KIF18A: variants seen among roughly 807,000 people sequenced by gnomAD.
The protein encoded by KIF18A is kinesin-like protein KIF18A.
In KIF18A, 67 loss-of-function variants were observed where a neutral mutation model predicts 103.3. The ratio of observed to expected loss-of-function variants is 0.65; its 90% confidence interval spans 0.53 to 0.79. KIF18A has a LOEUF of 0.79. KIF18A is among the 30% of genes least tolerant of loss of function. The pLI, the probability that KIF18A is intolerant of heterozygous loss-of-function variation, is 0.00. For synonymous variants in KIF18A, 367 were observed against 355.5 expected, an observed-to-expected ratio of 1.03 and a Z score of -0.36; for missense variants, 1,032 against 1,062.5, an observed-to-expected ratio of 0.97 and a Z score of 0.40.
At chr11:28,107,367 A>G (rs1851538688) in intron 1 of KIF18A, among the ~76,000 whole-genome samples, 1 of 151,998 alleles carries the variant, frequency 6.6e-6, no homozygotes, top group Non-Finnish European at 1.5e-5. Context: ...TGAGTGACTA[A>G]TGAGCTCCTA....
chr11:28,106,498 C>A (rs1053180051), intron 1 of KIF18A, among the ~76,000 whole-genome samples: 2 of 149,092 alleles, frequency 1.3e-5, no homozygotes, highest in Admixed American at 6.7e-5. Flanking sequence ...GGAGGGAAGG[C>A]CGGCACTGAC....
intron 13 of KIF18A, among the ~76,000 whole-genome samples, chr11:28,048,473 A>C (rs1320340969): frequency 6.6e-6 from 1 of 152,116 alleles, no homozygotes; most frequent in Non-Finnish European, 1.5e-5. Flanking sequence ...AGTTCAGTGA[A>C]AAAGAGGCTG....
At chr11:28,037,814 G>A (rs902304675) in intron 13 of KIF18A, among the ~76,000 whole-genome samples, 2 of 151,458 alleles carry the variant, frequency 1.3e-5, no homozygotes, top group Non-Finnish European at 3.0e-5. Flanking sequence ...GATAATTCCT[G>A]TAGCTTTTCA....
At chr11:28,086,899 A>C (rs1219353118) in intron 6 of KIF18A, among the ~76,000 whole-genome samples, 13 of 152,166 alleles carry the variant, frequency 8.5e-5, no homozygotes, top group Non-Finnish European at 1.6e-4. Flanking sequence ...TCTGCTTACA[A>C]GTTTGAGATT....
intron 1 of KIF18A, among the ~76,000 whole-genome samples, chr11:28,106,518 AT>A (rs1851507804): frequency 8.1e-6 from 1 of 123,132 alleles, no homozygotes; most frequent in African/African-American, 3.1e-5. Flanking sequence ...CAGCTGAGCT[AT>A]TTTTTTTCCT....
intron 16 of KIF18A, among the ~76,000 whole-genome samples, chr11:28,022,563 G>A (rs895285722): frequency 6.6e-6 from 1 of 152,106 alleles, no homozygotes; most frequent in African/African-American, 2.4e-5. Flanking sequence ...CACGGCGCCC[G>A]GCCAATTTGA....
chr11:28,042,890 A>G (rs553503894), intron 13 of KIF18A, among the ~76,000 whole-genome samples: 1 of 152,062 alleles, frequency 6.6e-6, no homozygotes, highest in African/African-American at 2.4e-5. Context: ...GACTTTCTAA[A>G]GAGTATTGTA....
At chr11:28,071,375 C>T (rs1798039803) in intron 10 of KIF18A, among the ~76,000 whole-genome samples, 3 of 151,364 alleles carry the variant, frequency 2.0e-5, no homozygotes, top group African/African-American at 7.3e-5. Flanking sequence ...TAAAACAACG[C>T]CACTCTTCTA....
At chr11:28,054,434 C>T (rs983862455) in intron 13 of KIF18A, among the ~76,000 whole-genome samples, 2 of 152,192 alleles carry the variant, frequency 1.3e-5, no homozygotes, top group African/African-American at 4.8e-5. Context: ...TGGTCTTGAA[C>T]TCCTGACTCA....
chr11:28,093,333 T>C (rs1032939884), intron 3 of KIF18A, among the ~76,000 whole-genome samples: 1 of 152,102 alleles, frequency 6.6e-6, no homozygotes, highest in African/African-American at 2.4e-5. Context: ...ATGAAGAAAT[T>C]TTTAGCAACA....
At chr11:28,035,851 G>A (rs773836467) in intron 14 of KIF18A, among the ~76,000 whole-genome samples, 1 of 151,468 alleles carries the variant, frequency 6.6e-6, no homozygotes, top group East Asian at 1.9e-4. Context: ...AGTAAGTTGA[G>A]GTTTGCTAAA....
intron 7 of KIF18A, among the ~76,000 whole-genome samples, chr11:28,084,026 T>G (rs1164167932): frequency 6.6e-6 from 1 of 152,128 alleles, no homozygotes; most frequent in Non-Finnish European, 1.5e-5. Context: ...ATACATATTT[T>G]GATATACATG....
chr11:28,034,660 C>G (rs1353033266), intron 15 of KIF18A, among the ~76,000 whole-genome samples: 1 of 151,786 alleles, frequency 6.6e-6, no homozygotes, highest in South Asian at 2.1e-4. Flanking sequence ...AAAACCTGTA[C>G]AGAATAATTT....
intron 1 of KIF18A, among the ~76,000 whole-genome samples, chr11:28,105,165 G>C (rs1387957637): frequency 1.3e-5 from 2 of 151,882 alleles, no homozygotes; most frequent in African/African-American, 4.8e-5. Flanking sequence ...TTACTAAATC[G>C]TCATAACAAC....
At chr11:28,090,957 T>C (rs1349206052) in intron 4 of KIF18A, among the ~76,000 whole-genome samples, 1 of 151,972 alleles carries the variant, frequency 6.6e-6, no homozygotes, top group Non-Finnish European at 1.5e-5. Flanking sequence ...AGTAGAATAA[T>C]ATGACATTAA....
At chr11:28,050,759 A>G (rs1056413851) in intron 13 of KIF18A, among the ~76,000 whole-genome samples, 1 of 151,836 alleles carries the variant, frequency 6.6e-6, no homozygotes, top group Admixed American at 6.6e-5. Context: ...GTCTTGCACT[A>G]CACTTAGTGA....
chr11:28,099,600 G>C (rs1851420602), intron 1 of KIF18A, among the ~76,000 whole-genome samples: 1 of 152,012 alleles, frequency 6.6e-6, no homozygotes, highest in Non-Finnish European at 1.5e-5. Flanking sequence ...TCATTTGTAA[G>C]TTAAAATAAA....
intron 10 of KIF18A, among the ~76,000 whole-genome samples, chr11:28,072,690 A>G (rs1851036443): frequency 6.6e-6 from 1 of 152,048 alleles, no homozygotes; most frequent in South Asian, 2.1e-4. Context: ...TGAAATGACC[A>G]AAAGTAAGAG....
chr11:28,037,548 C>G (rs985685549), intron 13 of KIF18A, among the ~76,000 whole-genome samples: 2 of 151,440 alleles, frequency 1.3e-5, no homozygotes, highest in African/African-American at 2.4e-5. Context: ...ATTTTGGTAT[C>G]TGGGAGGGTT....
Sources: gnomAD v4.1 joint callset for allele counts (sites outside exome capture counted in the v4.1 genomes callset) on GRCh38, gnomAD v4.1.1 for gene constraint, MANE v1.5 for transcripts, NCBI Gene and HGNC (gene_info 2026-07-23, HGNC 2026-07-21) for gene names.